ABCA10: variants seen among roughly 807,000 people sequenced by gnomAD.
The protein encoded by ABCA10 is ATP-binding cassette sub-family A member 10.
A neutral mutation model predicts 187.5 loss-of-function variants in ABCA10; 169 were observed. The observed-to-expected ratio is 0.90, with a 90% CI of 0.80 to 1.02. ABCA10 has a LOEUF of 1.02. Among genes scored for constraint, ABCA10 ranks in the 50% least tolerant of loss-of-function variants. ABCA10 has a pLI of 0.00. For missense variants in ABCA10, 1,727 were observed against 1,812.4 expected (o/e 0.95, Z 0.86); for synonymous variants, 574 against 601.8 (o/e 0.95, Z 0.68).
At chr17:69,168,014 C>T (rs2074267100) in intron 25 of ABCA10, among the ~76,000 whole-genome samples, 1 of 152,018 alleles carries the variant, frequency 6.6e-6, no homozygotes. Flanking sequence ...CCTTCTTGGC[C>T]TACTTAATAT....
chr17:69,219,673 T>A lies in ABCA10; in HGVS notation c.402A>T (p.Glu134Asp). ...AAACTAAGCAAGTAAAATGAAACCA[T>A]TCATTCATAATTTCTCCCTTAGAAA... ...PFISKGEIMN[E>D]WFHFTCLVSF... Residue 134 changes from glutamate to aspartate, a missense_variant, in exon 6 of 39, where the codon GAA (glutamate) becomes GAT (aspartate). Physicochemically the swap from Glu to Asp is conservative, Grantham distance 45. Coordinates refer to ENST00000690296, the MANE Select transcript of ABCA10 (RefSeq NM_001377321.1). 6.2e-7 allele frequency: 1 copy of A among 1,610,962 alleles called. No homozygotes were observed. Among genetic ancestry groups the A allele is most frequent in the East Asian group, 2.2e-5 (1 of 44,774 alleles).
In ABCA10 at chr17:69,149,101, AGACT is replaced by A; in HGVS notation, c.4478-17_4478-14del. ...AAGGTCTGTTTCACTGCATGTAAAGAGACTGACATTAGTGGCTTATATATTTTTC... is the reference window on the plus strand; with the variant it reads ...AAGGTCTGTTTCACTGCATGTAAAGAGACATTAGTGGCTTATATATTTTTC... On this transcript the variant is annotated splice_polypyrimidine_tract_variant and intron_variant, in intron 37 of 38. Transcript: ENST00000690296. 1 of 1,613,700 alleles carries A rather than the reference AGACT, an allele frequency of 6.2e-7. No individual in the cohort carries two copies. The highest frequency in any genetic ancestry group is 8.5e-7 in the Non-Finnish European group (1 of 1,179,692).
rs780176207 is a variant in ABCA10 at position 69,190,489 on chromosome 17, A to G, written c.2012-12T>C. ...GTCACTGTAAAGATCTAAAAAGCCA[A>G]TAGTAATAAGTCAACGCAATTAAAA... On this transcript the variant is annotated splice_polypyrimidine_tract_variant and intron_variant, in intron 17 of 38. Coordinates refer to ENST00000690296, the MANE Select transcript of ABCA10 (RefSeq NM_001377321.1). 3.2e-6 allele frequency: 5 copies of G among 1,558,856 alleles called. No homozygotes were observed. The African/African-American group carries it at 5.6e-5, about 18-fold the overall frequency.
At chr17:69,224,869 T>C (rs753347261) in intron 3 of ABCA10, among the ~76,000 whole-genome samples, 2 of 152,110 alleles carry the variant, frequency 1.3e-5, no homozygotes, top group Non-Finnish European at 2.9e-5. Context: ...GAGTTTGAAT[T>C]TCAAACACCT....
intron 20 of ABCA10, 83 bp from the exon 21 acceptor site, chr17:69,182,891 C>T: frequency 6.7e-7 from 1 of 1,488,264 alleles, no homozygotes; most frequent in Non-Finnish European, 9.0e-7. Flanking sequence ...ATAATGATTG[C>T]CAATCGTGTT....
chr17:69,219,702 A>C lies in ABCA10; in HGVS notation c.373T>G (p.Phe125Val). The C allele has an allele frequency of 6.2e-7, 1 of 1,611,896 alleles. No homozygotes were observed. The highest frequency in any genetic ancestry group is 8.5e-7 in the Non-Finnish European group (1 of 1,178,890). ...TTCATAATTTCTCCCTTAGAAATGA[A>C]AGGTGGTATCTTCATATTTATTCCA... is the stretch of plus-strand genomic sequence containing the variant. Reference protein sequence around the residue: ...VIGINMKIPPFISKGEIMNEW... With the variant: ...VIGINMKIPPVISKGEIMNEW... Residue 125 changes from phenylalanine to valine, a missense_variant, in exon 6 of 39, where the codon TTC (phenylalanine) becomes GTC (valine). Coordinates refer to ENST00000690296, the MANE Select transcript of ABCA10 (RefSeq NM_001377321.1).
chr17:69,160,620 C>CAAAA (rs1018413772), intron 27 of ABCA10, among the ~76,000 whole-genome samples: 1 of 151,342 alleles, frequency 6.6e-6, no homozygotes. Context: ...AACAAACAAA[C>CAAAA]AAAAAAACCA....
rs774972875 is a variant in ABCA10 at position 69,192,645 on chromosome 17, C to T, written c.1789G>A (p.Val597Ile). ...DEADILADRK[V>I]FLSNGKLKCA... ...TTCAACTTCCCATTAGACAGAAATA[C>T]TTTCCTATCTGAGTAGAAAGGAAGA... The change falls in exon 16 of 39, where the codon GTA becomes ATA. Residue 597 changes from valine to isoleucine, a missense_variant. Physicochemically the swap from Val to Ile is conservative, Grantham distance 29. Transcript: ENST00000690296. The T allele has an allele frequency of 2.5e-6, 4 of 1,612,318 alleles. No homozygotes were observed. The highest frequency in any genetic ancestry group is 3.4e-6 in the Non-Finnish European group (4 of 1,179,342).
Position 69,172,417 on chromosome 17 carries a change from C to T in ABCA10, c.3162+1864G>A, listed in dbSNP as rs1005090913. ...TCCTTATAAGAAGGGGAGATTAGGA[C>T]ACAGACGCGTCCAAAGGGAAGACCA... On this transcript the variant is annotated intron_variant, in intron 25 of 38. Transcript: ENST00000690296. 7.9e-5 allele frequency among the ~76,000 whole-genome samples: 12 copies of T among 152,190 alleles called. No homozygotes were observed. In the East Asian group the frequency reaches 2.1e-3, roughly 27 times the overall value.
chr17:69,187,556 A>C, intron 19 of ABCA10, 125 bp downstream of exon 19: 2 of 1,036,528 alleles, frequency 1.9e-6, no homozygotes, highest in Non-Finnish European at 2.7e-6. Flanking sequence ...CCTCAGTAAC[A>C]GCAGGATAGG....
At chr17:69,174,858 A>C (rs2074323351) in intron 23 of ABCA10, 81 bp from the exon 24 acceptor site, 1 of 1,267,966 alleles carries the variant, frequency 7.9e-7, no homozygotes. Flanking sequence ...TTGTTTAATA[A>C]ATTTTAGAAA....
chr17:69,188,211 T>C (rs2074436513), intron 18 of ABCA10, among the ~76,000 whole-genome samples: 1 of 152,128 alleles, frequency 6.6e-6, no homozygotes, highest in Non-Finnish European at 1.5e-5. Flanking sequence ...TAGCTGAGTT[T>C]CCAACAGGCC....
At chr17:69,150,279 T>C in intron 36 of ABCA10, 1 of 446,464 alleles carries the variant, frequency 2.2e-6, no homozygotes, top group South Asian at 3.0e-5. Context: ...AGATAAATTC[T>C]GAGAAATAGC....
chr17:69,222,798 T>C, intron 3 of ABCA10, 101 bp from the exon 4 acceptor site: 1 of 1,096,918 alleles, frequency 9.1e-7, no homozygotes, highest in African/African-American at 1.7e-5. Flanking sequence ...ATTAGTGGTA[T>C]TATATATTAT....
At chr17:69,170,648 A>G (rs1355536192) in intron 25 of ABCA10, among the ~76,000 whole-genome samples, 1 of 152,184 alleles carries the variant, frequency 6.6e-6, no homozygotes, top group African/African-American at 2.4e-5. Context: ...ATCTGTATGT[A>G]GAGATATGAT....
rs1389302240 is a variant in ABCA10 at position 69,154,334 on chromosome 17, A to G, written c.3695-8T>C. On this transcript the variant is annotated splice_polypyrimidine_tract_variant and splice_region_variant and intron_variant, in intron 30 of 38. Transcript: ENST00000690296. The stretch of plus-strand genomic sequence containing the variant: ...GTAATCCCAAAACTTCACCTGGAAG[A>G]AAGAGTCACCATCAATATTTGAATT... 6.4e-7 allele frequency: 1 copy of G among 1,566,180 alleles called. No homozygotes were observed. Among genetic ancestry groups the G allele is most frequent in the African/African-American group, 1.7e-5 (1 of 60,150 alleles).
In ABCA10 at chr17:69,193,042, G is replaced by T. The variant is rs559685093; in HGVS notation, c.1780+68C>A. The T allele has an allele frequency of 4.0e-6, 6 of 1,514,404 alleles. No individual in the cohort carries two copies. In the Admixed American group the frequency reaches 1.3e-4, roughly 34 times the overall value. 93.8% of individuals were successfully genotyped at this position (1,514,404 alleles called of 1,614,324 possible). A position where few individuals can be genotyped will look rare whatever the true frequency, so the allele number is the denominator to read the frequency against. ...ACAAGATTTTCTTCTTTTGAAAACA[G>T]GCTATGAAAAATAACTCTCATGTTA... On this transcript the variant is annotated intron_variant, in intron 15 of 38. Coordinates refer to ENST00000690296, the MANE Select transcript of ABCA10 (RefSeq NM_001377321.1).
At chr17:69,160,204 C>T (rs762670845) in intron 27 of ABCA10, among the ~76,000 whole-genome samples, 2 of 152,090 alleles carry the variant, frequency 1.3e-5, no homozygotes, top group Admixed American at 6.5e-5. Context: ...CTACAGAATA[C>T]AAGAAAACAT....
intron 22 of ABCA10, among the ~76,000 whole-genome samples, chr17:69,177,330 A>C (rs1299073162): frequency 6.6e-6 from 1 of 152,128 alleles, no homozygotes; most frequent in Non-Finnish European, 1.5e-5. Context: ...TATTCTATGA[A>C]ATTCACATGA....
Sources: gnomAD v4.1 joint callset for allele counts (sites outside exome capture counted in the v4.1 genomes callset) on GRCh38, gnomAD v4.1.1 for gene constraint, MANE v1.5 for transcripts, NCBI Gene and HGNC (gene_info 2026-07-23, HGNC 2026-07-21) for gene names.